RALYL: variants seen among roughly 807,000 people sequenced by gnomAD.
RALYL encodes the protein RALY RNA binding protein like.
Under a neutral mutation model 35.1 loss-of-function variants are expected in RALYL, and 29 were observed. The ratio of observed to expected loss-of-function variants is 0.83; its 90% CI spans 0.61 to 1.13. The LOEUF is 1.13. RALYL is among the 50% of genes most tolerant of loss of function. RALYL has a pLI of 0.00. For missense variants in RALYL, 359 were observed against 360.4 expected, an observed-to-expected ratio of 1.00 and a Z score of 0.03; for synonymous variants, 120 against 127.6, an observed-to-expected ratio of 0.94 and a Z score of 0.40.
At chr8:84,238,585 CT>C (rs1412824034) in intron 1 of RALYL, among the ~76,000 whole-genome samples, 3 of 152,074 alleles carry the variant, frequency 2.0e-5, no homozygotes, top group African/African-American at 7.2e-5. Context: ...TTTATTATGT[CT>C]TGAAATTCAT....
At chr8:84,508,127 A>G (rs2057325923) in intron 1 of RALYL, among the ~76,000 whole-genome samples, 2 of 152,188 alleles carry the variant, frequency 1.3e-5, no homozygotes, top group Admixed American at 1.3e-4. Context: ...TATTTCAAAG[A>G]GACTATTTTT....
Position 84,344,753 on chromosome 8 carries a change from T to A in RALYL, c.-24+160329T>A, listed in dbSNP as rs533061605. Among the ~76,000 whole-genome samples the A allele has an allele frequency of 9.1e-4, 139 of 152,180 alleles. 2 individuals carry two copies. In the South Asian group the frequency reaches 0.027, roughly 29 times the overall value. On this transcript the variant is annotated intron_variant, in intron 1 of 8. Coordinates refer to ENST00000521268, the MANE Select transcript of RALYL (RefSeq NM_173848.7). ...CCAATCTACCCTCTGCTACTATGAG[T>A]TCAACTTTTTTAGATTCCTCATATC...
chr8:84,803,895 T>C (rs16913344), intron 3 of RALYL, among the ~76,000 whole-genome samples: 1,556 of 152,300 alleles, frequency 0.01, 21 homozygotes, highest in African/African-American at 0.036. Context: ...AACACCAGGA[T>C]TTAGTTAAAA....
Position 84,680,419 on chromosome 8 carries a change from C to T in RALYL, c.257-94160C>T, listed in dbSNP as rs901010727. 2.0e-4 allele frequency among the ~76,000 whole-genome samples: 30 copies of T among 152,202 alleles called. 2 individuals carry two copies. Among genetic ancestry groups the T allele is most frequent in the Admixed American group, 1.6e-3 (25 of 15,286 alleles). ...TTCTAGTACTAGATCCCTGAGGAAT[C>T]GCCACACTGACTTCCACAATGATTG... On this transcript the variant is annotated intron_variant, in intron 2 of 8. Coordinates refer to ENST00000521268, the MANE Select transcript of RALYL (RefSeq NM_173848.7).
intron 4 of RALYL, among the ~76,000 whole-genome samples, chr8:84,831,377 T>C (rs1830895657): frequency 6.6e-6 from 1 of 151,312 alleles, no homozygotes; most frequent in African/African-American, 2.5e-5. Context: ...TGTTCAGCTA[T>C]GTCATTTTGT....
intron 1 of RALYL, among the ~76,000 whole-genome samples, chr8:84,201,445 G>T (rs539909808): frequency 1.3e-5 from 2 of 152,270 alleles, no homozygotes; most frequent in East Asian, 3.9e-4. Context: ...ATATAACCTT[G>T]TGAGTATGAG....
intron 1 of RALYL, among the ~76,000 whole-genome samples, chr8:84,209,750 A>T (rs1361069865): frequency 6.6e-6 from 1 of 152,192 alleles, no homozygotes; most frequent in Non-Finnish European, 1.5e-5. Context: ...ATACCATCAG[A>T]TAAATGAAAA....
intron 3 of RALYL, among the ~76,000 whole-genome samples, chr8:84,801,071 T>C (rs1352060911): frequency 2.0e-5 from 3 of 152,160 alleles, no homozygotes; most frequent in Non-Finnish European, 2.9e-5. Flanking sequence ...TGCCTCAATA[T>C]AGTGAACAAC....
At chr8:84,689,527 G>T (rs559350210) in intron 2 of RALYL, among the ~76,000 whole-genome samples, 2 of 151,906 alleles carry the variant, frequency 1.3e-5, no homozygotes, top group Non-Finnish European at 2.9e-5. Flanking sequence ...GAATAGTGCC[G>T]CAATAAACAT....
chr8:84,702,513 T>A (rs76647911), intron 2 of RALYL, among the ~76,000 whole-genome samples: 11,154 of 149,804 alleles, frequency 0.074, 993 homozygotes, highest in African/African-American at 0.21. Flanking sequence ...ATAGGGCTAG[T>A]TGCATAGTCT....
intron 1 of RALYL, among the ~76,000 whole-genome samples, chr8:84,464,275 A>G (rs1399014822): frequency 6.6e-6 from 1 of 151,828 alleles, no homozygotes; most frequent in Non-Finnish European, 1.5e-5. Context: ...ATATCTCCCA[A>G]TGCTATCCCT....
chr8:84,707,744 A>G (rs1480097456), intron 2 of RALYL, among the ~76,000 whole-genome samples: 1 of 152,188 alleles, frequency 6.6e-6, no homozygotes, highest in African/African-American at 2.4e-5. Flanking sequence ...ACATAATAAA[A>G]TTAAAGTATA....
Position 84,494,545 on chromosome 8 carries a change from G to T in RALYL, c.-23-34754G>T, listed in dbSNP as rs13249886. 4.0e-3 allele frequency among the ~76,000 whole-genome samples: 609 copies of T among 152,020 alleles called. 2 individuals carry two copies. Among genetic ancestry groups the T allele is most frequent in the Non-Finnish European group, 6.5e-3 (442 of 67,894 alleles). ...TCTTCCTGTCCATGAGGATGGAATG[G>T]TTTTCCATTTGTTTGTGTCCTCTTA... On this transcript the variant is annotated intron_variant, in intron 1 of 8. Coordinates refer to ENST00000521268, the MANE Select transcript of RALYL (RefSeq NM_173848.7).
At chr8:84,236,566 C>G (rs1384288300) in intron 1 of RALYL, among the ~76,000 whole-genome samples, 1 of 152,014 alleles carries the variant, frequency 6.6e-6, no homozygotes, top group Non-Finnish European at 1.5e-5. Context: ...CCTTATGTCT[C>G]TAGTAAAGCA....
At chr8:84,317,828 A>G (rs1308002109) in intron 1 of RALYL, among the ~76,000 whole-genome samples, 4 of 152,112 alleles carry the variant, frequency 2.6e-5, no homozygotes, top group African/African-American at 7.2e-5. Context: ...TACTTGGAAA[A>G]TCACAGTCCT....
At chr8:84,887,552 A>G in intron 7 of RALYL, 52 bp from the exon 8 acceptor site, 1 of 1,512,024 alleles carries the variant, frequency 6.6e-7, no homozygotes, top group Non-Finnish European at 8.9e-7. Context: ...GTTTATCCAA[A>G]TGGCTCATGA....
At chr8:84,387,803 CTTTT>C (rs112006834) in intron 1 of RALYL, among the ~76,000 whole-genome samples, 15 of 135,520 alleles carry the variant, frequency 1.1e-4, no homozygotes, top group Non-Finnish European at 1.6e-4. Context: ...TTCTTTCTTT[CTTTT>C]TTTTTTTTTT....
At chr8:84,318,172 G>A (rs1032262472) in intron 1 of RALYL, among the ~76,000 whole-genome samples, 11 of 151,838 alleles carry the variant, frequency 7.2e-5, no homozygotes, top group East Asian at 1.9e-4. Flanking sequence ...GAACTTCAGC[G>A]TGGCAACAGT....
intron 1 of RALYL, among the ~76,000 whole-genome samples, chr8:84,492,925 T>C (rs1410447309): frequency 6.7e-6 from 1 of 150,204 alleles, no homozygotes; most frequent in African/African-American, 2.5e-5. Context: ...TTAAAAACTC[T>C]AAGTTCTGGG....
Sources: gnomAD v4.1 joint callset for allele counts (sites outside exome capture counted in the v4.1 genomes callset) on GRCh38, gnomAD v4.1.1 for gene constraint, MANE v1.5 for transcripts, NCBI Gene and HGNC (gene_info 2026-07-23, HGNC 2026-07-21) for gene names.